SET: variants seen among roughly 807,000 people sequenced by gnomAD.
The protein encoded by SET is SET nuclear proto-oncogene.
A neutral mutation model predicts 39.0 loss-of-function variants in SET; 4 were observed. The observed-to-expected ratio is 0.10, with a 90% confidence interval of 0.05 to 0.23. The LOEUF is 0.23. Among genes scored for constraint, SET ranks in the 10% least tolerant of loss-of-function variants. The probability of loss-of-function intolerance (pLI) is 1.00; values close to 1 mark genes in which losing one functional copy is unlikely to be tolerated. For synonymous variants in SET, 114 were observed against 115.9 expected, an observed-to-expected ratio of 0.98 and a Z score of 0.11; for missense variants, 137 against 329.7, an observed-to-expected ratio of 0.42 and a Z score of 4.53.
In SET at chr9:128,696,159, C is replaced by T. The variant is rs778689633; in HGVS notation, c.*1495C>T. The T allele has an allele frequency of 7.5e-5, 16 of 214,226 alleles. No homozygotes were observed. Among genetic ancestry groups the T allele is most frequent in the South Asian group, 1.9e-4 (1 of 5,388 alleles). 13.3% of individuals were successfully genotyped at this position (214,226 alleles called of 1,614,324 possible). ...GCTTTTTAATGCTGTAAAATATAGT[C>T]GCTGAAATTAAATGCCACTTTTTCA... On this transcript the variant is annotated 3_prime_UTR_variant, in exon 8 of 8. Transcript: ENST00000322030.
At chr9:128,691,818 A>T in intron 2 of SET, 40 bp from the exon 3 acceptor site, 1 of 1,571,928 alleles carries the variant, frequency 6.4e-7, no homozygotes, top group Admixed American at 1.9e-5. Flanking sequence ...TTAATTTGTT[A>T]AATACTATCA....
At chr9:128,688,390 C>T (rs1441572492), upstream of SET, among the ~76,000 whole-genome samples, 4 of 152,176 alleles carry the variant, frequency 2.6e-5, no homozygotes, top group African/African-American at 9.7e-5. Flanking sequence ...AACTTGTTGG[C>T]CCCTTTCATC....
chr9:128,686,906 A>G (rs1861301438), upstream of SET, among the ~76,000 whole-genome samples: 1 of 152,208 alleles, frequency 6.6e-6, no homozygotes, highest in Non-Finnish European at 1.5e-5. Flanking sequence ...CCCAGAGCCC[A>G]GGAGGTCAAG....
At chr9:128,684,551 C>T (rs13296288), upstream of SET, among the ~76,000 whole-genome samples, 46 of 152,202 alleles carry the variant, frequency 3.0e-4, no homozygotes, top group Admixed American at 1.2e-3. Flanking sequence ...TGCCTCCCCG[C>T]GTCCTCCAGG....
chr9:128,688,385 G>A (rs1861360778), upstream of SET, among the ~76,000 whole-genome samples: 1 of 152,182 alleles, frequency 6.6e-6, no homozygotes, highest in Middle Eastern at 3.2e-3. Flanking sequence ...AGTAGAACTT[G>A]TTGGCCCCTT....
At chr9:128,686,887 G>A (rs1353537687), upstream of SET, among the ~76,000 whole-genome samples, 1 of 152,118 alleles carries the variant, frequency 6.6e-6, no homozygotes, top group African/African-American at 2.4e-5. Context: ...AGGCTGAGGT[G>A]TAAGAATCCC....
chr9:128,692,099 C>A, intron 3 of SET, 99 bp downstream of exon 3: 1 of 1,419,916 alleles, frequency 7.0e-7, no homozygotes. Flanking sequence ...TTGCGTGCAA[C>A]AAAGACAGGC....
At chr9:128,692,326 G>T (rs185517088) in intron 3 of SET, 12 of 294,590 alleles carry the variant, frequency 4.1e-5, no homozygotes, top group African/African-American at 2.0e-4. Context: ...GAACCCAGGA[G>T]GGGGAGGTTG....
upstream of SET, among the ~76,000 whole-genome samples, chr9:128,686,541 G>A (rs1342884784): frequency 1.3e-5 from 2 of 152,138 alleles, no homozygotes; most frequent in African/African-American, 4.8e-5. Flanking sequence ...CCAGGAGCGG[G>A]TCGTGAAATC....
intron 1 of SET, chr9:128,690,024 A>C: frequency 1.9e-6 from 2 of 1,026,520 alleles, no homozygotes; most frequent in Non-Finnish European, 2.3e-6. Context: ...CCGCCGCCAC[A>C]TGGTGCGGCC....
At position 128,689,593 on chromosome 9, in the gene SET, CG is replaced by C; in HGVS notation, c.13del (p.Ala5ArgfsTer38). 1 of 1,381,048 alleles carries C rather than the reference CG, an allele frequency of 7.2e-7. No individual in the cohort carries two copies. The highest frequency in any genetic ancestry group is 1.5e-5 in the South Asian group (1 of 64,570). 85.5% of individuals were successfully genotyped at this position (1,381,048 alleles called of 1,614,324 possible). A position where few individuals can be genotyped will look rare whatever the true frequency, so the allele number is the denominator to read the frequency against. On this transcript the variant is annotated frameshift_variant, in exon 1 of 8. Transcript: ENST00000322030. LOFTEE classifies it high-confidence loss of function. MSA[P>X]AAKVSKKELN... ...CCGCGGAGCAGCACCATGTCGGCGCCGGCGGCCAAAGTCAGTAAAAAGGAGC... is the reference window on the plus strand; with the variant it reads ...CCGCGGAGCAGCACCATGTCGGCGCCGCGGCCAAAGTCAGTAAAAAGGAGC...
chr9:128,692,212 C>T (rs987714291), intron 3 of SET: 33 of 475,248 alleles, frequency 6.9e-5, no homozygotes, highest in African/African-American at 5.4e-4. Flanking sequence ...CAGGTTGAAA[C>T]CCCGTCTCTA....
chr9:128,694,732 G>GTT lies in SET; in HGVS notation c.*69_*70insTT. 8.5e-6 allele frequency: 4 copies of GTT among 470,214 alleles called. No individual in the cohort carries two copies. The South Asian group carries it at 8.9e-5, about 11-fold the overall frequency. 29.1% of individuals were successfully genotyped at this position (470,214 alleles called of 1,614,324 possible). On this transcript the variant is annotated 3_prime_UTR_variant, in exon 8 of 8. Transcript: ENST00000322030. ...CTCCAGTCCCTGGGAGCAAGTTGCA[G>GTT]TCTTTTTTTTTTTTTTTTTTTTTTT...
upstream of SET, chr9:128,685,184 T>G (rs1268249403): frequency 1.9e-6 from 3 of 1,599,922 alleles, no homozygotes; most frequent in South Asian, 3.4e-5. Flanking sequence ...TGCAGAGACC[T>G]CCTGCCCAGC....
chr9:128,693,655 G>T lies in SET; in HGVS notation c.510G>T (p.Ser170=). ...WKSGKDLTKR[S]SQTQNKASRK... ...TCATTTAGGATTTGACGAAACGTTC[G>T]AGTCAAACGCAGAATAAAGCCAGCA... Residue 170 remains serine, a synonymous_variant, in exon 6 of 8, where the codon TCG becomes TCT. Transcript: ENST00000322030. 6.2e-7 allele frequency: 1 copy of T among 1,612,030 alleles called. No homozygotes were observed. Among genetic ancestry groups the T allele is most frequent in the African/African-American group, 1.3e-5 (1 of 74,932 alleles).
upstream of SET, among the ~76,000 whole-genome samples, chr9:128,685,921 G>T (rs1020854638): frequency 6.6e-6 from 1 of 152,166 alleles, no homozygotes; most frequent in Non-Finnish European, 1.5e-5. Flanking sequence ...CAGCTACTTG[G>T]GGGGCTAAGG....
At position 128,692,888 on chromosome 9, in the gene SET, C is replaced by T. The variant is rs1861598962; in HGVS notation, c.399C>T (p.Tyr133=). ...RIDFYFDENP[Y]FENKVLSKEF... is the part of the protein sequence containing the mutation. ...TACAGTATTTTGATGAAAATCCTTACTTTGAAAATAAAGTTCTCTCCAAAG... is the reference window on the plus strand; with the variant it reads ...TACAGTATTTTGATGAAAATCCTTATTTTGAAAATAAAGTTCTCTCCAAAG... Residue 133 remains tyrosine, a synonymous_variant, in exon 5 of 8, where the codon TAC becomes TAT. Transcript: ENST00000322030. The T allele has an allele frequency of 6.3e-7, 1 of 1,594,336 alleles. No individual in the cohort carries two copies.
In SET at chr9:128,689,318, C is replaced by T. The variant is rs1458075461; in HGVS notation, c.-265C>T. On this transcript the variant is annotated 5_prime_UTR_variant, in exon 1 of 8. Coordinates refer to ENST00000322030, the MANE Select transcript of SET (RefSeq NM_003011.4). Reference sequence around the variant, plus strand: ...GCGCGAGTGAGGGAGCCGAGCCGCCCGCCGCCGCCGCCTCCGCCTCCCCTC... The same window carrying T: ...GCGCGAGTGAGGGAGCCGAGCCGCCTGCCGCCGCCGCCTCCGCCTCCCCTC... The T allele has an allele frequency of 9.9e-7, 1 of 1,009,306 alleles. No individual in the cohort carries two copies. Among genetic ancestry groups the T allele is most frequent in the African/African-American group, 1.7e-5 (1 of 57,870 alleles). 62.5% of individuals were successfully genotyped at this position (1,009,306 alleles called of 1,614,324 possible). A position where few individuals can be genotyped will look rare whatever the true frequency, so the allele number is the denominator to read the frequency against.
At chr9:128,693,614 A>G in intron 5 of SET, 24 bp from the exon 6 acceptor site, 2 of 1,580,136 alleles carry the variant, frequency 1.3e-6, no homozygotes, top group Non-Finnish European at 1.7e-6. Flanking sequence ...GATTGTATCA[A>G]AAGCTCTTCC....
Sources: gnomAD v4.1 joint callset for allele counts (sites outside exome capture counted in the v4.1 genomes callset) on GRCh38, gnomAD v4.1.1 for gene constraint, MANE v1.5 for transcripts, NCBI Gene and HGNC (gene_info 2026-07-23, HGNC 2026-07-21) for gene names.